The following MAML2 variants were observed in gnomAD, a reference collection of about 807,000 sequenced individuals.
The protein encoded by MAML2 is mastermind like transcriptional coactivator 2.
MAML2 carries 22 observed loss-of-function variants against 96.1 expected under a neutral mutation model. That is an observed-to-expected ratio of 0.23 (90% CI 0.16 to 0.33). MAML2 has a LOEUF of 0.33. Ranked by LOEUF, MAML2 falls within the 10% of genes least tolerant of loss-of-function variation. The pLI, the probability that MAML2 is intolerant of heterozygous loss-of-function variation, is 1.00. For missense variants in MAML2, 1,367 were observed against 1,392.4 expected, an observed-to-expected ratio of 0.98 and a Z score of 0.29; for synonymous variants, 561 against 521.3, an observed-to-expected ratio of 1.08 and a Z score of -1.04.
intron 1 of MAML2, among the ~76,000 whole-genome samples, chr11:96,234,379 G>A (rs930356830): frequency 2.0e-5 from 3 of 152,348 alleles, no homozygotes; most frequent in Non-Finnish European, 4.4e-5. Flanking sequence ...TACTTGGGAG[G>A]AGGAGGCAGG....
chr11:96,245,867 G>A (rs1294593321), intron 1 of MAML2, among the ~76,000 whole-genome samples: 1 of 151,950 alleles, frequency 6.6e-6, no homozygotes, highest in East Asian at 1.9e-4. Flanking sequence ...ACCACATCTG[G>A]CTAATTTTTG....
At chr11:96,276,363 C>A (rs571124862) in intron 1 of MAML2, among the ~76,000 whole-genome samples, 1 of 152,262 alleles carries the variant, frequency 6.6e-6, no homozygotes, top group East Asian at 1.9e-4. Flanking sequence ...AGATGGTTTT[C>A]TGCCTATAGA....
At chr11:96,017,726 T>C (rs59413165) in intron 2 of MAML2, among the ~76,000 whole-genome samples, 1,559 of 152,088 alleles carry the variant, frequency 0.01, 25 homozygotes, top group African/African-American at 0.031. Flanking sequence ...TGGAGGGATT[T>C]CAAGTCCTGA....
chr11:96,223,688 G>C (rs1188602613), intron 1 of MAML2, among the ~76,000 whole-genome samples: 1 of 151,862 alleles, frequency 6.6e-6, no homozygotes, highest in Non-Finnish European at 1.5e-5. Flanking sequence ...CATAGAACTC[G>C]ATAGGTATTT....
At chr11:96,097,793 C>T (rs1859857114) in intron 1 of MAML2, among the ~76,000 whole-genome samples, 1 of 152,108 alleles carries the variant, frequency 6.6e-6, no homozygotes, top group African/African-American at 2.4e-5. Flanking sequence ...ATACTGAAGG[C>T]TTATTCTAGG....
intron 1 of MAML2, among the ~76,000 whole-genome samples, chr11:96,157,340 G>T (rs1436331458): frequency 2.0e-5 from 3 of 152,218 alleles, no homozygotes; most frequent in Admixed American, 6.5e-5. Flanking sequence ...TTGGAGCTTT[G>T]CCTGTGAAAT....
intron 2 of MAML2, among the ~76,000 whole-genome samples, chr11:96,065,161 T>A (rs1414276843): frequency 6.6e-6 from 1 of 152,228 alleles, no homozygotes; most frequent in Non-Finnish European, 1.5e-5. Flanking sequence ...TGATAGATTT[T>A]AAAATGCTTA....
chr11:96,264,286 T>C (rs187919179), intron 1 of MAML2, among the ~76,000 whole-genome samples: 2 of 152,314 alleles, frequency 1.3e-5, no homozygotes, highest in East Asian at 3.9e-4. Flanking sequence ...GTTCGTTTTT[T>C]ATAAGGCCCA....
At chr11:96,169,186 G>C (rs941619198) in intron 1 of MAML2, among the ~76,000 whole-genome samples, 3 of 152,140 alleles carry the variant, frequency 2.0e-5, no homozygotes, top group Non-Finnish European at 4.4e-5. Context: ...AGAGAGAATA[G>C]TTTACTCTGT....
intron 1 of MAML2, among the ~76,000 whole-genome samples, chr11:96,244,379 G>A (rs1343786433): frequency 6.6e-6 from 1 of 152,178 alleles, no homozygotes; most frequent in Non-Finnish European, 1.5e-5. Flanking sequence ...AGATAAGGAA[G>A]CTTGTGGTTG....
chr11:96,000,738 C>T (rs572955), intron 2 of MAML2, among the ~76,000 whole-genome samples: 6,517 of 152,202 alleles, frequency 0.043, 370 homozygotes, highest in African/African-American at 0.13. Flanking sequence ...CAGATAAAGA[C>T]GCTGCCCAGA....
chr11:96,246,861 A>G (rs1473791542), intron 1 of MAML2, among the ~76,000 whole-genome samples: 4 of 151,944 alleles, frequency 2.6e-5, no homozygotes, highest in African/African-American at 7.3e-5. Flanking sequence ...ATGGAGAACC[A>G]CCTCCCTCAG....
chr11:95,993,130 A>G (rs992423295), intron 2 of MAML2, among the ~76,000 whole-genome samples: 7 of 151,674 alleles, frequency 4.6e-5, no homozygotes, highest in African/African-American at 1.7e-4. Flanking sequence ...GGCTGGTCTC[A>G]AAGTCAAGGG....
intron 4 of MAML2, among the ~76,000 whole-genome samples, chr11:95,984,860 C>T (rs1361373110): frequency 2.6e-5 from 4 of 152,036 alleles, no homozygotes; most frequent in South Asian, 2.1e-4. Flanking sequence ...TGGGCAGAAG[C>T]GTATTGAATA....
At chr11:96,141,799 C>T (rs754941358) in intron 1 of MAML2, among the ~76,000 whole-genome samples, 5 of 152,302 alleles carry the variant, frequency 3.3e-5, no homozygotes, top group South Asian at 2.1e-4. Flanking sequence ...CAGCTTGAAG[C>T]TAGGACCGCC....
At chr11:96,108,659 A>G (rs923305466) in intron 1 of MAML2, among the ~76,000 whole-genome samples, 1 of 152,212 alleles carries the variant, frequency 6.6e-6, no homozygotes, top group South Asian at 2.1e-4. Flanking sequence ...ACCAGCTATT[A>G]TTGCTATTAA....
intron 1 of MAML2, among the ~76,000 whole-genome samples, chr11:96,267,325 A>C (rs1862842768): frequency 6.6e-6 from 1 of 152,166 alleles, no homozygotes. Context: ...AAATAGACAA[A>C]AGAGAGGAAA....
intron 2 of MAML2, among the ~76,000 whole-genome samples, chr11:96,014,827 T>A (rs906334490): frequency 6.6e-6 from 1 of 151,776 alleles, no homozygotes; most frequent in Admixed American, 6.6e-5. Context: ...GCATGGAACA[T>A]TGAAGCAATT....
intron 3 of MAML2, among the ~76,000 whole-genome samples, chr11:95,988,746 T>A (rs1381797688): frequency 1.3e-5 from 2 of 152,012 alleles, no homozygotes; most frequent in Admixed American, 6.6e-5. Context: ...CCTGCAATAC[T>A]GAATAGAGAT....
Sources: allele counts gnomAD v4.1 joint callset (sites outside exome capture counted in the v4.1 genomes callset), GRCh38; gene constraint gnomAD v4.1.1; transcripts MANE v1.5; gene names NCBI Gene and HGNC (gene_info 2026-07-23, HGNC 2026-07-21).